HADHB: variants seen among roughly 807,000 people sequenced by gnomAD.
The protein encoded by HADHB is hydroxyacyl-CoA dehydrogenase trifunctional multienzyme complex subunit beta.
A neutral mutation model predicts 61.9 loss-of-function variants in HADHB; 50 were observed. That is an observed-to-expected ratio of 0.81 (90% CI 0.64 to 1.02). HADHB has a LOEUF of 1.02. Ranked by LOEUF, HADHB falls within the 50% of genes least tolerant of loss-of-function variation. The probability of loss-of-function intolerance (pLI) is 0.00; values close to 1 mark genes in which losing one functional copy is unlikely to be tolerated. For synonymous variants in HADHB, 191 were observed against 201.6 expected (o/e 0.95, Z 0.45); for missense variants, 504 against 586.5 (o/e 0.86, Z 1.45).
chr2:26,245,080 C>CCCCCT (rs1296633337), intron 1 of HADHB, 90 bp downstream of exon 1: 3 of 216,890 alleles, frequency 1.4e-5, no homozygotes, highest in Non-Finnish European at 2.9e-5. Flanking sequence ...GTGCCCCCGG[C>CCCCCT]CCCCTCCCCT....
At chr2:26,279,632 A>G (rs1200448074) in intron 9 of HADHB, among the ~76,000 whole-genome samples, 1 of 151,976 alleles carries the variant, frequency 6.6e-6, no homozygotes, top group African/African-American at 2.4e-5. Context: ...CTAATTAAAA[A>G]AAAAAAAAAG....
intron 4 of HADHB, among the ~76,000 whole-genome samples, chr2:26,266,042 A>G (rs561849353): frequency 6.6e-6 from 1 of 151,862 alleles, no homozygotes; most frequent in South Asian, 2.1e-4. Flanking sequence ...CTAGACACCT[A>G]TCCCCAACGC....
At chr2:26,272,179 G>A (rs569547684) in intron 5 of HADHB, among the ~76,000 whole-genome samples, 4 of 151,984 alleles carry the variant, frequency 2.6e-5, no homozygotes, top group Non-Finnish European at 5.9e-5. Context: ...ATTTTATCTG[G>A]CACTCCTTCA....
chr2:26,263,144 C>T lies in HADHB; in HGVS notation c.110-236C>T, dbSNP rs568097891. On this transcript the variant is annotated intron_variant, in intron 3 of 15. Transcript: ENST00000317799. The stretch of plus-strand genomic sequence containing the variant: ...GTGAAACCCCATCTCTACAAAAATA[C>T]AAAAATTAGCTGGGCATGATGGCAG... 2.6e-5 allele frequency among the ~76,000 whole-genome samples: 4 copies of T among 151,756 alleles called. No individual in the cohort carries two copies. The East Asian group carries it at 5.8e-4, about 22-fold the overall frequency.
intron 3 of HADHB, among the ~76,000 whole-genome samples, chr2:26,262,639 G>C (rs537195273): frequency 1.3e-5 from 2 of 152,268 alleles, no homozygotes; most frequent in South Asian, 4.1e-4. Flanking sequence ...GATTTTTGCA[G>C]AATAGCAAGT....
chr2:26,279,383 C>T (rs939215813), intron 9 of HADHB, 68 bp downstream of exon 9: 33 of 1,111,504 alleles, frequency 3.0e-5, no homozygotes, highest in Middle Eastern at 2.0e-4. Context: ...AAAAACATCC[C>T]GAGTGATTTT....
At position 26,249,104 on chromosome 2, in the gene HADHB, T is replaced by TATA. The variant is rs1397099258; in HGVS notation, c.-9+4115_-9+4117dup. Among the ~76,000 whole-genome samples, 10 of 152,132 alleles carry TATA rather than the reference T, an allele frequency of 6.6e-5. 1 individual carries two copies. The highest frequency in any genetic ancestry group is 4.1e-4 in the South Asian group (2 of 4,826). On this transcript the variant is annotated intron_variant, in intron 1 of 15. Coordinates refer to ENST00000317799, the MANE Select transcript of HADHB (RefSeq NM_000183.3). ...ACTTTTTGTTAGTGAGGTTGAACAT[T>TATA]ATACATTTTGTTTATTTGGCATTTT...
At chr2:26,246,535 T>C (rs1671170399) in intron 1 of HADHB, among the ~76,000 whole-genome samples, 1 of 152,010 alleles carries the variant, frequency 6.6e-6, no homozygotes, top group Non-Finnish European at 1.5e-5. Flanking sequence ...GAGACGGGGT[T>C]TCACCATGTT....
At chr2:26,269,136 C>T (rs1038779521) in intron 4 of HADHB, among the ~76,000 whole-genome samples, 21 of 148,650 alleles carry the variant, frequency 1.4e-4, no homozygotes, top group African/African-American at 4.5e-4. Context: ...GCAACAAGAG[C>T]GAACCTCCGT....
intron 3 of HADHB, among the ~76,000 whole-genome samples, chr2:26,256,424 T>C (rs1671609776): frequency 6.6e-6 from 1 of 152,164 alleles, no homozygotes; most frequent in African/African-American, 2.4e-5. Flanking sequence ...GTACAGAATT[T>C]ATGGATGTTT....
intron 9 of HADHB, 119 bp from the exon 10 acceptor site, chr2:26,279,875 T>C: frequency 1.4e-6 from 1 of 732,640 alleles, no homozygotes; most frequent in Non-Finnish European, 2.3e-6. Flanking sequence ...ACTTTCCTTC[T>C]AGTGAATAGG....
In HADHB at chr2:26,279,696, T is replaced by C. The variant is rs186114841; in HGVS notation, c.812-298T>C. ...TGATATATTTTAGTTCTTACATACATGCCTGTTTTTAAAATTCCTGAATCG... is the reference window on the plus strand; with the variant it reads ...TGATATATTTTAGTTCTTACATACACGCCTGTTTTTAAAATTCCTGAATCG... On this transcript the variant is annotated intron_variant, in intron 9 of 15. Transcript: ENST00000317799. 1.1e-3 allele frequency among the ~76,000 whole-genome samples: 170 copies of C among 152,138 alleles called. 1 individual carries two copies. The highest frequency in any genetic ancestry group is 3.9e-3 in the African/African-American group (163 of 41,514).
chr2:26,290,170 A>G lies in HADHB; in HGVS notation c.*217A>G. On this transcript the variant is annotated 3_prime_UTR_variant, in exon 16 of 16. Transcript: ENST00000317799. Reference sequence around the variant, plus strand: ...TTTCAGGGATTTCTAAGCCACCAGAATCTCACATGAGATGTGTGGGTGGTT... The same window carrying G: ...TTTCAGGGATTTCTAAGCCACCAGAGTCTCACATGAGATGTGTGGGTGGTT... The G allele has an allele frequency of 1.7e-6, 1 of 591,968 alleles. No individual in the cohort carries two copies. Among genetic ancestry groups the G allele is most frequent in the Middle Eastern group, 4.6e-4 (1 of 2,156 alleles). 36.7% of individuals were successfully genotyped at this position (591,968 alleles called of 1,614,324 possible). A position where few individuals can be genotyped will look rare whatever the true frequency, so the allele number is the denominator to read the frequency against.
chr2:26,283,273 C>T (rs1672874070), intron 12 of HADHB, among the ~76,000 whole-genome samples: 1 of 151,844 alleles, frequency 6.6e-6, no homozygotes, highest in South Asian at 2.1e-4. Flanking sequence ...GCCTGTAATC[C>T]CAGCACTTTG....
chr2:26,274,815 G>A (rs1396116031), intron 6 of HADHB, among the ~76,000 whole-genome samples: 2 of 151,880 alleles, frequency 1.3e-5, no homozygotes, highest in South Asian at 2.1e-4. Context: ...TTTTTTTGCT[G>A]TTTTCTCCTC....
intron 6 of HADHB, among the ~76,000 whole-genome samples, chr2:26,276,649 G>T (rs1558355361): frequency 6.6e-6 from 1 of 152,150 alleles, no homozygotes; most frequent in Non-Finnish European, 1.5e-5. Context: ...CATGAGACCT[G>T]ATAACACAGA....
intron 4 of HADHB, among the ~76,000 whole-genome samples, chr2:26,264,175 G>A (rs566877698): frequency 6.6e-6 from 1 of 152,096 alleles, no homozygotes; most frequent in Non-Finnish European, 1.5e-5. Context: ...GGAATGTTAG[G>A]CATCTGTTAA....
chr2:26,278,514 C>T (rs181097368), intron 7 of HADHB, 100 bp from the exon 8 acceptor site: 1 of 1,005,820 alleles, frequency 9.9e-7, no homozygotes, highest in African/African-American at 1.6e-5. Context: ...TTGTACAAAG[C>T]TGATAACTGT....
At position 26,284,939 on chromosome 2, in the gene HADHB, C is replaced by T. The variant is rs146538551; in HGVS notation, c.1206C>T (p.Tyr402=). The change falls in exon 14 of 16, where the codon TAC becomes TAT. Residue 402 remains tyrosine, a synonymous_variant. Coordinates refer to ENST00000317799, the MANE Select transcript of HADHB (RefSeq NM_000183.3). ...ATTCTGATTGGTTTGCAGAAAACTACATGGGTAGAAAAACCAAGGTGAGTT... is the reference window on the plus strand; with the variant it reads ...ATTCTGATTGGTTTGCAGAAAACTATATGGGTAGAAAAACCAAGGTGAGTT... ...AMDSDWFAEN[Y]MGRKTKVGLP... 1,962 of 1,581,606 alleles carry T rather than the reference C, an allele frequency of 1.2e-3. 1 individual carries two copies. Among genetic ancestry groups the T allele is most frequent in the Middle Eastern group, 3.3e-3 (20 of 5,994 alleles).
Sources: gnomAD v4.1 joint callset for allele counts (sites outside exome capture counted in the v4.1 genomes callset) on GRCh38, gnomAD v4.1.1 for gene constraint, MANE v1.5 for transcripts, NCBI Gene and HGNC (gene_info 2026-07-23, HGNC 2026-07-21) for gene names.